The following COLQ variants were observed in gnomAD, a reference collection of about 807,000 sequenced individuals.
The protein encoded by COLQ is acetylcholinesterase collagenic tail peptide.
A neutral mutation model predicts 69.0 loss-of-function variants in COLQ; 48 were observed. The ratio of observed to expected loss-of-function variants is 0.70; its 90% CI spans 0.55 to 0.88. The LOEUF is 0.88. COLQ is among the 40% of genes least tolerant of loss of function. The pLI, the probability that COLQ is intolerant of heterozygous loss-of-function variation, is 0.00. For synonymous variants in COLQ, 217 were observed against 211.2 expected (o/e 1.03, Z -0.24); for missense variants, 618 against 594.6 (o/e 1.04, Z -0.41).
In COLQ at chr3:15,474,028, G is replaced by A; in HGVS notation, c.608C>T (p.Pro203Leu). 6.2e-7 allele frequency: 1 copy of A among 1,614,062 alleles called. No homozygotes were observed. Among genetic ancestry groups the A allele is most frequent in the Non-Finnish European group, 8.5e-7 (1 of 1,179,978 alleles). Reference protein sequence around the residue: ...DLGPKGEKGFPGFPGMLGQKG... With the variant: ...DLGPKGEKGFLGFPGMLGQKG... ...CTGCCCCAACATTCCAGGAAATCCT[G>A]GGAAACCCTGTGAAAAGAGCAACAA... Residue 203 changes from proline to leucine, a missense_variant, in exon 10 of 17, where the codon CCA becomes CTA. Coordinates refer to ENST00000383788, the MANE Select transcript of COLQ (RefSeq NM_005677.4).
At chr3:15,500,331 T>C (rs2125161452) in intron 1 of COLQ, among the ~76,000 whole-genome samples, 1 of 152,322 alleles carries the variant, frequency 6.6e-6, no homozygotes, top group African/African-American at 2.4e-5. Context: ...CTGCATCACA[T>C]TTTCCTGACT....
Position 15,470,565 on chromosome 3 carries a change from T to C in COLQ, c.688A>G (p.Thr230Ala), listed in dbSNP as rs1171886801. The change falls in exon 11 of 17, where the codon ACA becomes GCA. Residue 230 changes from threonine (T) to alanine (A), a missense_variant. Coordinates refer to ENST00000383788, the MANE Select transcript of COLQ (RefSeq NM_005677.4). ...EPGIAGHRGP[T>A]GRPGKRGKQG... ...TTGCCTCGTTTTCCTGGTCTTCCTG[T>C]GGGTCCTCGGTGTCCTGCTATCCCA... The C allele has an allele frequency of 6.2e-7, 1 of 1,614,086 alleles. No homozygotes were observed. The highest frequency in any genetic ancestry group is 1.7e-5 in the Admixed American group (1 of 60,020).
intron 9 of COLQ, 23 bp downstream of exon 9, chr3:15,474,205 T>A: frequency 1.2e-6 from 2 of 1,613,674 alleles, no homozygotes; most frequent in Non-Finnish European, 1.7e-6. Flanking sequence ...TTATCATTTC[T>A]ATGGAAAGGT....
intron 3 of COLQ, among the ~76,000 whole-genome samples, chr3:15,485,094 T>C (rs188339482): frequency 5.9e-4 from 90 of 152,292 alleles, no homozygotes; most frequent in South Asian, 1.2e-3. Flanking sequence ...ATGTCCTTTC[T>C]GTTTGTTAGT....
rs755782087 is a variant in COLQ at position 15,455,898 on chromosome 3, C to A, written c.1195+1G>T. ...GTCCTCCTGGTCTGGGCCTCACTCA[C>A]GGATGCAGTCGTCACCCACATCGCT... On this transcript the variant is annotated splice_donor_variant, in intron 15 of 16. Coordinates refer to ENST00000383788, the MANE Select transcript of COLQ (RefSeq NM_005677.4). LOFTEE classifies it high-confidence loss of function. The A allele has an allele frequency of 1.1e-5, 17 of 1,614,048 alleles. No individual in the cohort carries two copies. The highest frequency in any genetic ancestry group is 1.7e-5 in the Admixed American group (1 of 60,022).
intron 3 of COLQ, among the ~76,000 whole-genome samples, chr3:15,481,360 C>T (rs2062480846): frequency 6.6e-6 from 1 of 152,128 alleles, no homozygotes; most frequent in Non-Finnish European, 1.5e-5. Flanking sequence ...GTATTTAATC[C>T]ATCTTGAATT....
intron 4 of COLQ, 125 bp from the exon 5 acceptor site, chr3:15,479,128 C>G: frequency 7.8e-7 from 1 of 1,287,172 alleles, no homozygotes. Context: ...CTGCTCACGG[C>G]CCCTCTGCCA....
intron 9 of COLQ, 90 bp from the exon 10 acceptor site, chr3:15,474,125 G>C: frequency 6.3e-7 from 1 of 1,599,692 alleles, no homozygotes; most frequent in South Asian, 1.1e-5. Flanking sequence ...TTTCAAGATG[G>C]AGGCCTGTCC....
intron 12 of COLQ, among the ~76,000 whole-genome samples, chr3:15,464,496 A>G (rs577912566): frequency 4.5e-4 from 68 of 152,326 alleles, no homozygotes; most frequent in African/African-American, 7.0e-4. Context: ...TTGGAGGAGT[A>G]GTGAAAATCC....
intron 11 of COLQ, among the ~76,000 whole-genome samples, chr3:15,468,954 T>C (rs1485985801): frequency 6.6e-6 from 1 of 152,198 alleles, no homozygotes; most frequent in African/African-American, 2.4e-5. Context: ...GACTTAACAA[T>C]AACTTTCAGA....
At chr3:15,489,764 G>T in intron 1 of COLQ, 127 bp from the exon 2 acceptor site, 1 of 783,626 alleles carries the variant, frequency 1.3e-6, no homozygotes, top group Non-Finnish European at 2.2e-6. Context: ...CCTGTTAGAT[G>T]TGGATAGGCC....
intron 12 of COLQ, among the ~76,000 whole-genome samples, chr3:15,462,768 G>A (rs1489874097): frequency 2.6e-5 from 4 of 152,210 alleles, no homozygotes; most frequent in Non-Finnish European, 4.4e-5. Context: ...CATCCTGTTA[G>A]GGGCCAAGGA....
chr3:15,495,243 C>T (rs2062730936), intron 1 of COLQ, among the ~76,000 whole-genome samples: 1 of 152,178 alleles, frequency 6.6e-6, no homozygotes, highest in African/African-American at 2.4e-5. Flanking sequence ...AGGGAGAACA[C>T]ACACCGGAAG....
At chr3:15,489,752 A>G in intron 1 of COLQ, 115 bp from the exon 2 acceptor site, 2 of 870,048 alleles carry the variant, frequency 2.3e-6, no homozygotes, top group Non-Finnish European at 3.8e-6. Context: ...TCTAATTTCT[A>G]GCCTGTTAGA....
rs1575477888 is a variant in COLQ at position 15,480,276 on chromosome 3, C to T, written c.322-894G>A. Among the ~76,000 whole-genome samples, 14 of 152,290 alleles carry T rather than the reference C, an allele frequency of 9.2e-5. No homozygotes were observed. In the South Asian group the frequency reaches 2.9e-3, roughly 32 times the overall value. On this transcript the variant is annotated intron_variant, in intron 3 of 16. Coordinates refer to ENST00000383788, the MANE Select transcript of COLQ (RefSeq NM_005677.4). ...ATACATGTGCCATCTTGGTGTGCTG[C>T]ACCCACTAACTTGTCATTCACATTA...
chr3:15,453,137 G>A (rs2061972909), intron 16 of COLQ, among the ~76,000 whole-genome samples: 1 of 152,210 alleles, frequency 6.6e-6, no homozygotes, highest in Non-Finnish European at 1.5e-5. Context: ...ACCTTGGAAG[G>A]AGCCCAGTGG....
At chr3:15,470,941 A>AT (rs1304722260) in intron 10 of COLQ, among the ~76,000 whole-genome samples, 2 of 152,248 alleles carry the variant, frequency 1.3e-5, no homozygotes, top group African/African-American at 4.8e-5. Context: ...AGGCTGGGGC[A>AT]TCCAGCACAG....
At chr3:15,463,381 C>T (rs2062151817) in intron 12 of COLQ, among the ~76,000 whole-genome samples, 1 of 151,530 alleles carries the variant, frequency 6.6e-6, no homozygotes, top group Non-Finnish European at 1.5e-5. Context: ...GAGTCTTGCT[C>T]TGTCACCCAG....
chr3:15,469,715 T>C (rs940082229), intron 11 of COLQ, among the ~76,000 whole-genome samples: 3 of 152,180 alleles, frequency 2.0e-5, no homozygotes, highest in African/African-American at 7.2e-5. Context: ...AATTATATTA[T>C]GGTCTTTGGA....
Sources: allele counts gnomAD v4.1 joint callset (sites outside exome capture counted in the v4.1 genomes callset), GRCh38; gene constraint gnomAD v4.1.1; transcripts MANE v1.5; gene names NCBI Gene and HGNC (gene_info 2026-07-23, HGNC 2026-07-21).